The following STXBP4 variants were observed in gnomAD, a reference collection of about 807,000 sequenced individuals.
STXBP4 encodes the protein syntaxin-binding protein 4.
In STXBP4, 55 loss-of-function variants were observed where a neutral mutation model predicts 76.1. The observed-to-expected ratio is 0.72, with a 90% CI of 0.58 to 0.91. The LOEUF is 0.91. STXBP4 is among the 40% of genes least tolerant of loss of function. The pLI is 0.00. For missense variants in STXBP4, 618 were observed against 636.9 expected (o/e 0.97, Z 0.32); for synonymous variants, 201 against 220.2 (o/e 0.91, Z 0.77).
At chr17:55,153,321 C>A (rs1044437115) in intron 17 of STXBP4, among the ~76,000 whole-genome samples, 1 of 152,150 alleles carries the variant, frequency 6.6e-6, no homozygotes, top group Non-Finnish European at 1.5e-5. Context: ...GAAGGCTTTT[C>A]TTTGTAACAC....
chr17:54,997,798 G>A lies in STXBP4; in HGVS notation c.181-1547G>A, dbSNP rs576598472. 2.8e-4 allele frequency among the ~76,000 whole-genome samples: 42 copies of A among 147,538 alleles called. 1 individual carries two copies. The highest frequency in any genetic ancestry group is 6.9e-3 in the Middle Eastern group (2 of 290). ...AGATGGGGTCTAACTATGTTGCCCA[G>A]GCTGGTCTTGAACTCCTGGGCTCAA... On this transcript the variant is annotated intron_variant, in intron 4 of 17. Coordinates refer to ENST00000376352, the MANE Select transcript of STXBP4 (RefSeq NM_178509.6).
chr17:55,161,609 C>T lies in STXBP4; in HGVS notation c.*1698C>T, dbSNP rs951559767. The T allele has an allele frequency of 6.6e-6, 1 of 152,298 alleles. No homozygotes were observed. The highest frequency in any genetic ancestry group is 2.4e-5 in the African/African-American group (1 of 41,582). 9.4% of individuals were successfully genotyped at this position (152,298 alleles called of 1,614,324 possible). A position where few individuals can be genotyped will look rare whatever the true frequency, so the allele number is the denominator to read the frequency against. On this transcript the variant is annotated 3_prime_UTR_variant, in exon 18 of 18. Coordinates refer to ENST00000376352, the MANE Select transcript of STXBP4 (RefSeq NM_178509.6). ...AGTACTCAGGCACACAGCCCACTGA[C>T]AAGAGACACCTCATCCATTAACTGC...
chr17:55,090,840 TG>T (rs1391861047), intron 16 of STXBP4, among the ~76,000 whole-genome samples: 1 of 90,552 alleles, frequency 1.1e-5, no homozygotes, highest in Non-Finnish European at 2.1e-5. Context: ...TTAAATTGTG[TG>T]TGTGTGTGTG....
chr17:55,206,744 C>A, the STXBP4 span, among the ~76,000 whole-genome samples: 1 of 151,220 alleles, frequency 6.6e-6, no homozygotes, highest in Non-Finnish European at 1.5e-5. Context: ...GTAGTCCCAG[C>A]TACTCAAGAG....
the STXBP4 span, among the ~76,000 whole-genome samples, chr17:55,183,772 A>G: frequency 2.0e-5 from 3 of 152,216 alleles, no homozygotes; most frequent in Non-Finnish European, 2.9e-5. Flanking sequence ...GAAGGCCAAA[A>G]TTGTCACAAA....
In STXBP4 at chr17:55,078,674, GT is replaced by G; in HGVS notation, c.1306-9del. ...ACTGATATATCTCCTTCACCATCTT[GT>G]TTGTTGCTAGGCTATTCAAGAAGTA... On this transcript the variant is annotated splice_polypyrimidine_tract_variant and intron_variant, in intron 14 of 17. Coordinates refer to ENST00000376352, the MANE Select transcript of STXBP4 (RefSeq NM_178509.6). The G allele has an allele frequency of 6.6e-7, 1 of 1,518,636 alleles. No homozygotes were observed. The allele number at this position is 1,518,636 out of a possible 1,614,324, so 94.1% of individuals were successfully genotyped here. A position where few individuals can be genotyped will look rare whatever the true frequency, so the allele number is the denominator to read the frequency against.
At chr17:55,121,259 A>G (rs1598330743) in intron 16 of STXBP4, among the ~76,000 whole-genome samples, 1 of 152,210 alleles carries the variant, frequency 6.6e-6, no homozygotes, top group Non-Finnish European at 1.5e-5. Flanking sequence ...ATGAGAAAAA[A>G]TATTTTAAAA....
At chr17:55,089,613 A>G (rs559022372) in intron 16 of STXBP4, among the ~76,000 whole-genome samples, 77 of 152,328 alleles carry the variant, frequency 5.1e-4, no homozygotes, top group Middle Eastern at 3.4e-3. Flanking sequence ...TACATGTTCT[A>G]TATCATTATA....
At chr17:55,177,319 C>G (rs2080434835), downstream of STXBP4, among the ~76,000 whole-genome samples, 1 of 152,098 alleles carries the variant, frequency 6.6e-6, no homozygotes, top group African/African-American at 2.4e-5. Context: ...AACACCCTGG[C>G]CAAGTGTCTC....
chr17:55,085,782 A>G (rs1322810587), intron 16 of STXBP4, among the ~76,000 whole-genome samples: 1 of 152,122 alleles, frequency 6.6e-6, no homozygotes, highest in Non-Finnish European at 1.5e-5. Flanking sequence ...ATTGGAAACT[A>G]TGCCACTCAT....
intron 8 of STXBP4, among the ~76,000 whole-genome samples, chr17:55,011,897 C>T (rs917607090): frequency 4.6e-5 from 7 of 152,138 alleles, no homozygotes; most frequent in African/African-American, 1.7e-4. Flanking sequence ...CCGACGACCG[C>T]TCTAACTGCT....
chr17:54,986,898 G>A (rs2077634531), intron 3 of STXBP4, among the ~76,000 whole-genome samples: 1 of 152,140 alleles, frequency 6.6e-6, no homozygotes, highest in South Asian at 2.1e-4. Context: ...TTTACATCTT[G>A]TGAGGCCTCA....
At chr17:55,184,826 A>T in the STXBP4 span, among the ~76,000 whole-genome samples, 2 of 152,172 alleles carry the variant, frequency 1.3e-5, no homozygotes, top group African/African-American at 4.8e-5. Flanking sequence ...GTATTATTGT[A>T]CTAATGTTAA....
At chr17:55,088,980 C>T (rs916024211) in intron 16 of STXBP4, among the ~76,000 whole-genome samples, 5 of 152,298 alleles carry the variant, frequency 3.3e-5, no homozygotes, top group Non-Finnish European at 7.4e-5. Context: ...AAACAATGCT[C>T]CACAGAATCT....
the STXBP4 span, among the ~76,000 whole-genome samples, chr17:55,195,103 C>T: frequency 2.0e-5 from 3 of 152,176 alleles, no homozygotes; most frequent in African/African-American, 7.2e-5. Flanking sequence ...ACATCTAGGT[C>T]ACCTTATGGG....
intron 16 of STXBP4, among the ~76,000 whole-genome samples, chr17:55,102,603 T>G (rs1308588151): frequency 2.0e-5 from 3 of 152,224 alleles, no homozygotes; most frequent in Non-Finnish European, 4.4e-5. Context: ...ATATGTGTCT[T>G]TATAGTAGAA....
At chr17:55,017,747 A>C (rs979097026) in intron 8 of STXBP4, among the ~76,000 whole-genome samples, 11 of 152,138 alleles carry the variant, frequency 7.2e-5, no homozygotes, top group Admixed American at 5.2e-4. Flanking sequence ...CCCCAAGAAA[A>C]TTGAAAGCGG....
intron 16 of STXBP4, among the ~76,000 whole-genome samples, chr17:55,102,394 G>A (rs2079577836): frequency 6.6e-6 from 1 of 152,054 alleles, no homozygotes; most frequent in Non-Finnish European, 1.5e-5. Context: ...TTCTGTTCCT[G>A]TGTTAGTTTG....
At chr17:55,125,887 A>G (rs1412393456) in intron 16 of STXBP4, among the ~76,000 whole-genome samples, 1 of 152,184 alleles carries the variant, frequency 6.6e-6, no homozygotes, top group Admixed American at 6.5e-5. Context: ...CAGAGGGGAA[A>G]TCCCGGAAAG....
Sources: gnomAD v4.1 joint callset for allele counts (sites outside exome capture counted in the v4.1 genomes callset) on GRCh38, gnomAD v4.1.1 for gene constraint, MANE v1.5 for transcripts, NCBI Gene and HGNC (gene_info 2026-07-23, HGNC 2026-07-21) for gene names.